The following SAMMSON variants were observed in gnomAD, a reference collection of about 807,000 sequenced individuals.
SAMMSON encodes the protein survival associated mitochondrial melanoma specific oncogenic non-coding RNA, also known as long intergenic non-protein coding RNA 1212.
intron 3 of SAMMSON, among the ~76,000 whole-genome samples, chr3:70,050,051 A>G (rs957580730): frequency 6.6e-6 from 1 of 152,122 alleles, no homozygotes; most frequent in Non-Finnish European, 1.5e-5. Context: ...GAATAAATTC[A>G]CAATTGGAAG....
intron 4 of SAMMSON, among the ~76,000 whole-genome samples, chr3:70,238,616 G>GA (rs144973336): frequency 1.3e-4 from 19 of 144,348 alleles, no homozygotes; most frequent in Admixed American, 2.1e-4. Flanking sequence ...TCTCAAAAAA[G>GA]AAAAAAAAAA....
At chr3:70,418,537 C>A (rs900896452) in intron 2 of SAMMSON, among the ~76,000 whole-genome samples, 1 of 152,218 alleles carries the variant, frequency 6.6e-6, no homozygotes, top group African/African-American at 2.4e-5. Flanking sequence ...GGCATCTGCA[C>A]ATCCCAATGG....
intron 4 of SAMMSON, among the ~76,000 whole-genome samples, chr3:70,156,166 C>A (rs748149683): frequency 1.3e-5 from 2 of 151,954 alleles, no homozygotes; most frequent in Non-Finnish European, 2.9e-5. Flanking sequence ...AAGATGAAAT[C>A]GACTAACCAG....
At chr3:70,284,665 T>G (rs1324249782) in intron 6 of SAMMSON, among the ~76,000 whole-genome samples, 1 of 152,192 alleles carries the variant, frequency 6.6e-6, no homozygotes, top group African/African-American at 2.4e-5. Context: ...AAACACTGCA[T>G]GTTCTCACTT....
intron 4 of SAMMSON, among the ~76,000 whole-genome samples, chr3:70,223,841 C>A (rs1701480386): frequency 6.6e-6 from 1 of 152,062 alleles, no homozygotes; most frequent in Admixed American, 6.6e-5. Flanking sequence ...CTTTTAGGCA[C>A]CCTTTTAGAC....
intron 4 of SAMMSON, among the ~76,000 whole-genome samples, chr3:70,182,135 G>A (rs1264466788): frequency 6.6e-6 from 1 of 152,098 alleles, no homozygotes; most frequent in Non-Finnish European, 1.5e-5. Flanking sequence ...GTAGGAAGCA[G>A]GTGTCTAATG....
At chr3:70,268,230 G>C (rs1001259949) in intron 6 of SAMMSON, among the ~76,000 whole-genome samples, 19 of 152,086 alleles carry the variant, frequency 1.2e-4, no homozygotes, top group Admixed American at 8.5e-4. Context: ...CAGCACTTTG[G>C]GGGGCCAAGG....
intron 6 of SAMMSON, among the ~76,000 whole-genome samples, chr3:70,269,861 C>T (rs537179346): frequency 6.6e-6 from 1 of 152,208 alleles, no homozygotes; most frequent in Non-Finnish European, 1.5e-5. Context: ...AATATCCAAA[C>T]TTAAGGAAGA....
intron 3 of SAMMSON, among the ~76,000 whole-genome samples, chr3:70,049,745 G>C (rs986240291): frequency 6.6e-6 from 1 of 152,026 alleles, no homozygotes; most frequent in Non-Finnish European, 1.5e-5. Context: ...TTTTGTTGCT[G>C]TTGCTGAATT....
chr3:70,153,932 C>T (rs761990278), intron 4 of SAMMSON, among the ~76,000 whole-genome samples: 6 of 151,952 alleles, frequency 3.9e-5, no homozygotes, highest in Admixed American at 1.3e-4. Context: ...CTAGGTACCT[C>T]ATATAAGTGG....
chr3:70,034,244 G>A (rs747090300), intron 3 of SAMMSON, among the ~76,000 whole-genome samples: 1 of 152,014 alleles, frequency 6.6e-6, no homozygotes, highest in Admixed American at 6.6e-5. Flanking sequence ...ACATTTCCTG[G>A]AATATACATT....
At chr3:70,198,957 G>A (rs72941574) in intron 4 of SAMMSON, among the ~76,000 whole-genome samples, 1,822 of 152,234 alleles carry the variant, frequency 0.012, 29 homozygotes, top group African/African-American at 0.04. Context: ...AAAGATGAGG[G>A]ACATACAACC....
chr3:70,298,930 G>A (rs541291374), intron 7 of SAMMSON, among the ~76,000 whole-genome samples: 24 of 152,180 alleles, frequency 1.6e-4, no homozygotes, highest in Admixed American at 5.9e-4. Context: ...AAAAAGCACG[G>A]TAATACTTCT....
chr3:70,264,085 T>C (rs918594736), intron 6 of SAMMSON, among the ~76,000 whole-genome samples: 1 of 152,220 alleles, frequency 6.6e-6, no homozygotes, highest in Non-Finnish European at 1.5e-5. Context: ...CACTTTGCAT[T>C]TAATATTTTT....
intron 4 of SAMMSON, among the ~76,000 whole-genome samples, chr3:70,196,449 G>A (rs1701181389): frequency 6.6e-6 from 1 of 152,068 alleles, no homozygotes; most frequent in African/African-American, 2.4e-5. Flanking sequence ...ATTACAAAAT[G>A]ATGTTATACA....
At chr3:70,220,927 C>T (rs928235558) in intron 4 of SAMMSON, among the ~76,000 whole-genome samples, 3 of 151,978 alleles carry the variant, frequency 2.0e-5, no homozygotes, top group Non-Finnish European at 4.4e-5. Context: ...CAGGGCTTGG[C>T]GTAAAGGGTG....
intron 7 of SAMMSON, among the ~76,000 whole-genome samples, chr3:70,324,199 C>CATCT (rs56024776): frequency 0.056 from 5,061 of 90,172 alleles, 117 homozygotes; most frequent in Middle Eastern, 0.1. Flanking sequence ...ATCTATCTAT[C>CATCT]ATCTATCTAT....
intron 9 of SAMMSON, among the ~76,000 whole-genome samples, chr3:70,368,995 C>A (rs1409952154): frequency 1.3e-5 from 2 of 151,654 alleles, no homozygotes; most frequent in Non-Finnish European, 3.0e-5. Flanking sequence ...CACAGCACAT[C>A]TTCCCATTTA....
At chr3:70,241,802 A>G (rs897068642) in intron 4 of SAMMSON, among the ~76,000 whole-genome samples, 1 of 152,146 alleles carries the variant, frequency 6.6e-6, no homozygotes, top group African/African-American at 2.4e-5. Flanking sequence ...TATTATACCT[A>G]TTTTACAAAT....
Sources: gnomAD v4.1 joint callset for allele counts (sites outside exome capture counted in the v4.1 genomes callset) on GRCh38, gnomAD v4.1.1 for gene constraint, MANE v1.5 for transcripts, NCBI Gene and HGNC (gene_info 2026-07-23, HGNC 2026-07-21) for gene names.